Variants in SLC25A10 observed in about 807,000 individuals in gnomAD.
The protein encoded by SLC25A10 is mitochondrial dicarboxylate carrier.
In SLC25A10, 32 loss-of-function variants were observed where a neutral mutation model predicts 40.4. That is an observed-to-expected ratio of 0.79 (90% CI 0.60 to 1.06). SLC25A10 has a LOEUF of 1.06. Among genes scored for constraint, SLC25A10 ranks in the 50% least tolerant of loss-of-function variants. The pLI, the probability that SLC25A10 is intolerant of heterozygous loss-of-function variation, is 0.00. For synonymous variants in SLC25A10, 181 were observed against 171.1 expected (o/e 1.06, Z -0.45); for missense variants, 394 against 402.6 (o/e 0.98, Z 0.18).
At chr17:81,716,766 C>T (rs372626964) in intron 5 of SLC25A10, 46 bp from the exon 6 acceptor site, 46 of 1,577,976 alleles carry the variant, frequency 2.9e-5, no homozygotes, top group East Asian at 4.6e-5. Flanking sequence ...CTGTGGGAGC[C>T]GGTGGTCAGG....
At chr17:81,717,733 G>A (rs901891619) in intron 8 of SLC25A10, 51 bp from the exon 9 acceptor site, 3 of 1,585,050 alleles carry the variant, frequency 1.9e-6, no homozygotes, top group Non-Finnish European at 8.6e-7. Flanking sequence ...GGGATTCGGC[G>A]ATGGTGCCTG....
In SLC25A10 at chr17:81,719,314, G is replaced by A. The variant is rs139892281; in HGVS notation, c.706-517G>A. Among the ~76,000 whole-genome samples, 1,497 of 152,240 alleles carry A rather than the reference G, an allele frequency of 9.8e-3. 26 individuals are homozygous for A. Among genetic ancestry groups the A allele is most frequent in the Non-Finnish European group, 0.012 (806 of 68,004 alleles). Reference sequence around the variant, plus strand: ...AACTCCTGGCCTGAAGTGATCTGCCGCCTCAGCCTCCCAAAGTGCTGGGAT... The same window carrying A: ...AACTCCTGGCCTGAAGTGATCTGCCACCTCAGCCTCCCAAAGTGCTGGGAT... On this transcript the variant is annotated intron_variant, in intron 9 of 10. Transcript: ENST00000350690.
intron 1 of SLC25A10, chr17:81,713,541 C>T (rs2037424011): frequency 5.2e-6 from 5 of 967,920 alleles, no homozygotes; most frequent in South Asian, 4.8e-5. Flanking sequence ...GCACCTGAGA[C>T]CTCACTGGTC....
At chr17:81,719,533 G>A (rs1281950172) in intron 9 of SLC25A10, among the ~76,000 whole-genome samples, 1 of 152,176 alleles carries the variant, frequency 6.6e-6, no homozygotes, top group Non-Finnish European at 1.5e-5. Context: ...CTGCCGTGCT[G>A]CATCCCTGAT....
At position 81,715,571 on chromosome 17, in the gene SLC25A10, G is replaced by A; in HGVS notation, c.307G>A (p.Val103Met). Residue 103 changes from valine (V) to methionine (M), a missense_variant, in exon 3 of 11, where the codon GTG becomes ATG. By Grantham distance (21) the Val-to-Met change is conservative. Coordinates refer to ENST00000350690, the MANE Select transcript of SLC25A10 (RefSeq NM_012140.5). ...SQGPLPFHEK[V>M]LLGSVSGLAG... ...GGGGCCTCTCCCCTTCCACGAGAAG[G>A]TGTTGCTGGGCTCCGTCAGCGGTGA... 6.2e-7 allele frequency: 1 copy of A among 1,612,906 alleles called. No homozygotes were observed.
rs200678197 is a variant in SLC25A10, at chr17:81,715,650, C to T, written c.329-43C>T. ...GGGTGGTCAGGTCGGCCGAGGACGC[C>T]GTGTGTCAGCACGGCTCATCTCTGG... is the stretch of plus-strand genomic sequence containing the variant. On this transcript the variant is annotated intron_variant, in intron 3 of 10. Transcript: ENST00000350690. The T allele has an allele frequency of 4.8e-5, 78 of 1,612,944 alleles. No individual in the cohort carries two copies. In the Admixed American group the frequency reaches 1.2e-3, roughly 24 times the overall value.
At chr17:81,718,433 C>T (rs2037528182) in intron 9 of SLC25A10, among the ~76,000 whole-genome samples, 1 of 150,954 alleles carries the variant, frequency 6.6e-6, no homozygotes, top group African/African-American at 2.4e-5. Flanking sequence ...TGCAGTGAGC[C>T]GAGATCACAC....
Position 81,712,537 on chromosome 17 carries a change from G to A in SLC25A10, c.93+18G>A, listed in dbSNP as rs2144526660. On this transcript the variant is annotated intron_variant, in intron 1 of 10. Transcript: ENST00000350690. ...TGCTCAAGGTGAGGCCGGGGCCCGGGACGCGGGGCGGATGGGACCCTGGCG... is the reference window on the plus strand; with the variant it reads ...TGCTCAAGGTGAGGCCGGGGCCCGGAACGCGGGGCGGATGGGACCCTGGCG... 4.0e-6 allele frequency: 5 copies of A among 1,234,766 alleles called. No individual in the cohort carries two copies. The highest frequency in any genetic ancestry group is 5.1e-6 in the Non-Finnish European group (5 of 986,896). The allele number at this position is 1,234,766 out of a possible 1,614,324, so 76.5% of individuals were successfully genotyped here.
chr17:81,720,710 A>C lies in SLC25A10; in HGVS notation c.*633A>C. 4.9e-6 allele frequency: 2 copies of C among 408,224 alleles called. No individual in the cohort carries two copies. The highest frequency in any genetic ancestry group is 8.5e-6 in the Non-Finnish European group (2 of 235,496). The allele number at this position is 408,224 out of a possible 1,614,324, so 25.3% of individuals were successfully genotyped here. A position where few individuals can be genotyped will look rare whatever the true frequency, so the allele number is the denominator to read the frequency against. ...GTCGAGGGCCACCGAGGTCCCGCGC[A>C]CCGCTGCCTGCCCTGCAGTGGCTTT... On this transcript the variant is annotated 3_prime_UTR_variant, in exon 11 of 11. Coordinates refer to ENST00000350690, the MANE Select transcript of SLC25A10 (RefSeq NM_012140.5).
At position 81,716,028 on chromosome 17, in the gene SLC25A10, C is replaced by A; in HGVS notation, c.397C>A (p.Leu133Met). ...TTTCAGGATGCAGAACGACGTGAAG[C>A]TGCCCCAGGGTCAGCGGCGCAAGTG... ...VNVRMQNDVK[L>M]PQGQRRNYAH... is the part of the protein sequence containing the mutation. Residue 133 changes from leucine (L) to methionine (M), a missense_variant, in exon 5 of 11, where the codon CTG (leucine) becomes ATG (methionine). Transcript: ENST00000350690. The A allele has an allele frequency of 6.3e-7, 1 of 1,595,908 alleles. No individual in the cohort carries two copies. The highest frequency in any genetic ancestry group is 8.5e-7 in the Non-Finnish European group (1 of 1,171,612).
In SLC25A10 at chr17:81,716,044, G is replaced by A. The variant is rs758796051; in HGVS notation, c.413G>A (p.Arg138Gln). ...GACGTGAAGCTGCCCCAGGGTCAGC[G>A]GCGCAAGTGAGTCATGGGCGGCCTT... is the stretch of plus-strand genomic sequence containing the variant. ...QNDVKLPQGQRRNYAHALDGL... is the reference protein window; with the variant it reads ...QNDVKLPQGQQRNYAHALDGL... The change falls in exon 5 of 11, where the codon CGG becomes CAG. Residue 138 changes from arginine to glutamine, a missense_variant. Arg to Gln is a conservative substitution (Grantham distance 43). Coordinates refer to ENST00000350690, the MANE Select transcript of SLC25A10 (RefSeq NM_012140.5). The A allele has an allele frequency of 5.6e-6, 9 of 1,598,354 alleles. No homozygotes were observed. The highest frequency in any genetic ancestry group is 4.5e-5 in the East Asian group (2 of 44,290).
Position 81,720,289 on chromosome 17 carries a change from C to T in SLC25A10, c.*212C>T. ...GCTGCACCACCCCCGCTCTGGCTAC[C>T]AGGCTCTCCCGGCTGGGCACTGCGT... On this transcript the variant is annotated 3_prime_UTR_variant, in exon 11 of 11. Transcript: ENST00000350690. The T allele has an allele frequency of 2.1e-6, 3 of 1,436,642 alleles. No homozygotes were observed. Among genetic ancestry groups the T allele is most frequent in the East Asian group, 2.5e-5 (1 of 40,052 alleles). The allele number at this position is 1,436,642 out of a possible 1,614,324, so 89.0% of individuals were successfully genotyped here. A position where few individuals can be genotyped will look rare whatever the true frequency, so the allele number is the denominator to read the frequency against.
At position 81,712,302 on chromosome 17, in the gene SLC25A10, G is replaced by A. The variant is rs2037394847; in HGVS notation, c.-125G>A. 1 of 457,504 alleles carries A rather than the reference G, an allele frequency of 2.2e-6. No individual in the cohort carries two copies. Among genetic ancestry groups the A allele is most frequent in the Non-Finnish European group, 3.1e-6 (1 of 324,792 alleles). The allele number at this position is 457,504 out of a possible 1,614,324, so 28.3% of individuals were successfully genotyped here. On this transcript the variant is annotated 5_prime_UTR_variant, in exon 1 of 11. Transcript: ENST00000350690. ...CGCGCGCGCATTGGCTGTGCGGGGTGCGGGCGCGCGGGCGGCGCTTTGAAC... is the reference window on the plus strand; with the variant it reads ...CGCGCGCGCATTGGCTGTGCGGGGTACGGGCGCGCGGGCGGCGCTTTGAAC...
intron 1 of SLC25A10, among the ~76,000 whole-genome samples, chr17:81,712,831 C>T (rs1296939446): frequency 6.6e-6 from 1 of 152,260 alleles, no homozygotes; most frequent in East Asian, 1.9e-4. Flanking sequence ...GTCACTTGGC[C>T]TCTCTGAGCC....
At chr17:81,716,773 C>G in intron 5 of SLC25A10, 39 bp from the exon 6 acceptor site, 1 of 1,588,520 alleles carries the variant, frequency 6.3e-7, no homozygotes, top group African/African-American at 1.3e-5. Context: ...AGCCGGTGGT[C>G]AGGGGGAGTC....
At chr17:81,718,208 G>T (rs181053299) in intron 9 of SLC25A10, among the ~76,000 whole-genome samples, 1 of 152,286 alleles carries the variant, frequency 6.6e-6, no homozygotes, top group Non-Finnish European at 1.5e-5. Context: ...TAGGGGCCAG[G>T]TGCGGTGGCT....
rs2037400469 is a variant in SLC25A10 at position 81,712,460 on chromosome 17, T to G, written c.34T>G (p.Phe12Val). The G allele has an allele frequency of 7.6e-7, 1 of 1,309,176 alleles. No homozygotes were observed. The highest frequency in any genetic ancestry group is 2.2e-5 in the South Asian group (1 of 44,698). 81.1% of individuals were successfully genotyped at this position (1,309,176 alleles called of 1,614,324 possible). ...AAEARVSRWY[F>V]GGLASCGAAC... The stretch of plus-strand genomic sequence containing the variant: ...CGAGGCGCGCGTGTCGCGCTGGTAC[T>G]TCGGGGGGCTGGCCTCCTGCGGGGC... Residue 12 changes from phenylalanine (F) to valine (V), a missense_variant, in exon 1 of 11, where the codon TTC becomes GTC. Physicochemically the swap from Phe to Val is conservative, Grantham distance 50 (BLOSUM62 -1). Transcript: ENST00000350690.
intron 1 of SLC25A10, among the ~76,000 whole-genome samples, chr17:81,714,478 C>A (rs897593458): frequency 6.6e-6 from 1 of 152,244 alleles, no homozygotes; most frequent in African/African-American, 2.4e-5. Flanking sequence ...CCTTTCAAGG[C>A]CTTCTATGGC....
chr17:81,719,925 GA>G (rs746981325), intron 10 of SLC25A10, 38 bp downstream of exon 10: 1 of 1,613,638 alleles, frequency 6.2e-7, no homozygotes, highest in African/African-American at 1.3e-5. Flanking sequence ...GGGCAATGGG[GA>G]GCGGGCCCCT....
Sources: allele counts gnomAD v4.1 joint callset (sites outside exome capture counted in the v4.1 genomes callset), GRCh38; gene constraint gnomAD v4.1.1; transcripts MANE v1.5; gene names NCBI Gene and HGNC (gene_info 2026-07-23, HGNC 2026-07-21).